Variants in FGGY observed in about 807,000 individuals in gnomAD.
FGGY encodes FGGY carbohydrate kinase domain containing, also known as FGGY carbohydrate kinase domain-containing protein.
In FGGY, 72 loss-of-function variants were observed where a neutral mutation model predicts 71.3. That is an observed-to-expected ratio of 1.01 (90% CI 0.84 to 1.23). FGGY has a LOEUF of 1.23. Among genes scored for constraint, FGGY ranks in the 50% most tolerant of loss-of-function variants. The pLI is 0.00. For synonymous variants in FGGY, 251 were observed against 250.3 expected (o/e 1.00, Z -0.02); for missense variants, 668 against 682.3 (o/e 0.98, Z 0.23).
chr1:59,474,388 A>T (rs60513166), intron 6 of FGGY, among the ~76,000 whole-genome samples: 1,781 of 152,318 alleles, frequency 0.012, 34 homozygotes, highest in African/African-American at 0.04. Context: ...TTTTATAGAC[A>T]AAAAACTGAG....
chr1:59,305,609 T>C (rs1393340978), intron 1 of FGGY, among the ~76,000 whole-genome samples: 1 of 152,214 alleles, frequency 6.6e-6, no homozygotes, highest in Non-Finnish European at 1.5e-5. Context: ...TCCTCTTTAA[T>C]TTTTTATAAG....
Position 59,584,898 on chromosome 1 carries a change from T to A in FGGY, c.904-22905T>A, listed in dbSNP as rs1285946489. On this transcript the variant is annotated intron_variant, in intron 8 of 15. Transcript: ENST00000303721. Reference sequence around the variant, plus strand: ...GTACAGACAAAGAGAGAGCCAAATCTTGAGTGAACTCCCATTCACAATTGC... The same window carrying A: ...GTACAGACAAAGAGAGAGCCAAATCATGAGTGAACTCCCATTCACAATTGC... Among the ~76,000 whole-genome samples, 3 of 141,384 alleles carry A rather than the reference T, an allele frequency of 2.1e-5. 1 individual carries two copies. Among genetic ancestry groups the A allele is most frequent in the African/African-American group, 5.9e-5 (2 of 33,900 alleles). 92.8% of individuals were successfully genotyped at this position (141,384 alleles called of 152,430 possible). A position where few individuals can be genotyped will look rare whatever the true frequency, so the allele number is the denominator to read the frequency against.
chr1:59,701,477 G>A (rs770627675), intron 14 of FGGY, among the ~76,000 whole-genome samples: 3 of 152,060 alleles, frequency 2.0e-5, no homozygotes, highest in African/African-American at 4.8e-5. Context: ...CCAACCACTC[G>A]TACTAGGCCC....
intron 8 of FGGY, among the ~76,000 whole-genome samples, chr1:59,588,300 G>C (rs2096353083): frequency 1.3e-5 from 2 of 152,054 alleles, no homozygotes; most frequent in Admixed American, 1.3e-4. Context: ...TATGTGAAAA[G>C]ACCAAATCTA....
chr1:59,400,841 G>C (rs1161471130), intron 5 of FGGY, among the ~76,000 whole-genome samples: 1 of 151,908 alleles, frequency 6.6e-6, no homozygotes, highest in Non-Finnish European at 1.5e-5. Context: ...GCGTGATCAT[G>C]GCTCACTGCA....
intron 4 of FGGY, among the ~76,000 whole-genome samples, chr1:59,375,842 A>G (rs1423256962): frequency 6.1e-5 from 9 of 146,956 alleles, no homozygotes. Flanking sequence ...CTGTCGTTAT[A>G]TAATGTCTTT....
intron 9 of FGGY, among the ~76,000 whole-genome samples, chr1:59,625,418 C>T (rs1263471537): frequency 6.6e-6 from 1 of 152,108 alleles, no homozygotes; most frequent in East Asian, 1.9e-4. Flanking sequence ...GATGATTGTT[C>T]AGTCAGGAGA....
intron 8 of FGGY, among the ~76,000 whole-genome samples, chr1:59,582,862 G>C (rs2096219682): frequency 6.7e-6 from 1 of 150,222 alleles, no homozygotes. Flanking sequence ...CACTCACTTG[G>C]ATTCAGGTCT....
chr1:59,743,327 G>A (rs1202426384), intron 14 of FGGY, among the ~76,000 whole-genome samples: 2 of 152,152 alleles, frequency 1.3e-5, no homozygotes, highest in African/African-American at 4.8e-5. Flanking sequence ...TGTCTCCCAT[G>A]ATCACCGATG....
intron 5 of FGGY, among the ~76,000 whole-genome samples, chr1:59,432,065 G>C (rs931495271): frequency 6.6e-6 from 1 of 152,146 alleles, no homozygotes. Flanking sequence ...GGAGGGGAGA[G>C]AGGCTGGAGA....
At chr1:59,486,346 G>A (rs1308566924) in intron 6 of FGGY, among the ~76,000 whole-genome samples, 1 of 152,212 alleles carries the variant, frequency 6.6e-6, no homozygotes, top group Non-Finnish European at 1.5e-5. Flanking sequence ...AAGTGGCAAT[G>A]CATGTTAAGT....
intron 8 of FGGY, among the ~76,000 whole-genome samples, chr1:59,569,317 ATAAAT>A (rs2095938423): frequency 6.6e-6 from 1 of 152,244 alleles, no homozygotes; most frequent in South Asian, 2.1e-4. Flanking sequence ...CAGATTTAAC[ATAAAT>A]TAAGCATCAT....
chr1:59,560,138 T>C (rs1425549024), intron 8 of FGGY, among the ~76,000 whole-genome samples: 2 of 152,240 alleles, frequency 1.3e-5, no homozygotes, highest in African/African-American at 2.4e-5. Context: ...GTACCCTTGA[T>C]ATGATGTAAT....
At chr1:59,614,202 G>T (rs1227813450) in intron 9 of FGGY, among the ~76,000 whole-genome samples, 1 of 151,734 alleles carries the variant, frequency 6.6e-6, no homozygotes, top group Non-Finnish European at 1.5e-5. Context: ...CTAAAAAAGA[G>T]AATTTTAGAC....
chr1:59,536,201 C>T (rs536509170), intron 7 of FGGY, among the ~76,000 whole-genome samples: 94 of 151,904 alleles, frequency 6.2e-4, no homozygotes, highest in African/African-American at 2.0e-3. Flanking sequence ...CTACAAACAC[C>T]TCTCTGCAAA....
intron 6 of FGGY, among the ~76,000 whole-genome samples, chr1:59,480,585 T>C (rs1355147909): frequency 6.6e-6 from 1 of 152,100 alleles, no homozygotes; most frequent in Non-Finnish European, 1.5e-5. Flanking sequence ...TTCAATAAAA[T>C]GAGAGTTGTG....
chr1:59,669,511 T>G (rs1309939231), intron 13 of FGGY, among the ~76,000 whole-genome samples: 1 of 151,836 alleles, frequency 6.6e-6, no homozygotes, highest in African/African-American at 2.4e-5. Context: ...GCTTAAAATT[T>G]GATCTGTGAC....
At chr1:59,447,329 G>A (rs2071518207) in intron 5 of FGGY, among the ~76,000 whole-genome samples, 1 of 151,546 alleles carries the variant, frequency 6.6e-6, no homozygotes. Flanking sequence ...CTTTTTTCTG[G>A]TCAGATTCCC....
At chr1:59,680,135 A>T (rs1196916208) in intron 14 of FGGY, among the ~76,000 whole-genome samples, 2 of 151,910 alleles carry the variant, frequency 1.3e-5, no homozygotes, top group Non-Finnish European at 2.9e-5. Context: ...TTTAGCTTTC[A>T]TCCCCAGGCC....
Sources: allele counts gnomAD v4.1 joint callset (sites outside exome capture counted in the v4.1 genomes callset), GRCh38; gene constraint gnomAD v4.1.1; transcripts MANE v1.5; gene names NCBI Gene and HGNC (gene_info 2026-07-23, HGNC 2026-07-21).